The following ASH1L variants were observed in gnomAD, a reference collection of about 807,000 sequenced individuals.
ASH1L encodes the protein histone-lysine N-methyltransferase ASH1L.
Under a neutral mutation model 269.0 loss-of-function variants are expected in ASH1L, and 23 were observed. The ratio of observed to expected loss-of-function variants is 0.09; its 90% CI spans 0.06 to 0.12. The LOEUF is 0.12. ASH1L is among the 10% of genes least tolerant of loss of function. The probability of loss-of-function intolerance (pLI) is 1.00; values close to 1 mark genes in which losing one functional copy is unlikely to be tolerated. For synonymous variants in ASH1L, 1,187 were observed against 1,253.5 expected (o/e 0.95, Z 1.12); for missense variants, 2,912 against 3,567.8 (o/e 0.82, Z 4.68).
Position 155,481,232 on chromosome 1 carries a change from T to C in ASH1L, c.1638A>G (p.Pro546=), listed in dbSNP as rs1457417836. 2 of 1,613,980 alleles carry C rather than the reference T, an allele frequency of 1.2e-6. No individual in the cohort carries two copies. Among genetic ancestry groups the C allele is most frequent in the African/African-American group, 2.7e-5 (2 of 74,922 alleles). ...GASDVSTAKS[P]FSAVGESNLP... is the part of the protein sequence containing the mutation. The stretch of plus-strand genomic sequence containing the variant: ...GATTGCTTTCTCCTACTGCACTGAA[T>C]GGGGATTTAGCGGTAGATACATCAG... Residue 546 remains proline, a synonymous_variant, in exon 3 of 28, where the codon CCA becomes CCG. Transcript: ENST00000392403.
chr1:155,375,854 T>C (rs566825933), intron 10 of ASH1L, among the ~76,000 whole-genome samples: 3 of 150,820 alleles, frequency 2.0e-5, no homozygotes, highest in Non-Finnish European at 4.4e-5. Flanking sequence ...TAAACGTAGA[T>C]CTAGGTTGTC....
At chr1:155,547,502 T>A (rs915341991) in intron 1 of ASH1L, among the ~76,000 whole-genome samples, 1 of 151,862 alleles carries the variant, frequency 6.6e-6, no homozygotes, top group African/African-American at 2.4e-5. Flanking sequence ...GGCAGGCAGA[T>A]CACCTGAGGT....
At chr1:155,518,692 G>T (rs1668659697) in intron 2 of ASH1L, among the ~76,000 whole-genome samples, 1 of 149,770 alleles carries the variant, frequency 6.7e-6, no homozygotes, top group African/African-American at 2.5e-5. Context: ...GGGGGCGGTG[G>T]GGGGGCGGTG....
intron 12 of ASH1L, among the ~76,000 whole-genome samples, chr1:155,364,922 T>TAAAAA (rs60237031): frequency 9.3e-6 from 1 of 107,152 alleles, no homozygotes; most frequent in South Asian, 3.2e-4. Context: ...AGCTCTGTCT[T>TAAAAA]AAAAAAAAAA....
chr1:155,467,584 A>C (rs908919932), intron 3 of ASH1L, among the ~76,000 whole-genome samples: 6 of 152,164 alleles, frequency 3.9e-5, no homozygotes, highest in African/African-American at 1.4e-4. Context: ...TCAAAGTGAT[A>C]AGTCAGTTTG....
intron 1 of ASH1L, among the ~76,000 whole-genome samples, chr1:155,537,753 T>TAAA (rs201878978): frequency 0.022 from 3,366 of 151,908 alleles, 125 homozygotes; most frequent in African/African-American, 0.077. Context: ...TTTTTTTTTT[T>TAAA]AAAAAAAGCT....
intron 3 of ASH1L, among the ~76,000 whole-genome samples, chr1:155,466,792 T>C (rs1664733372): frequency 6.6e-6 from 1 of 152,186 alleles, no homozygotes; most frequent in Non-Finnish European, 1.5e-5. Flanking sequence ...CTACTGAACA[T>C]CTGAACTTAT....
intron 1 of ASH1L, among the ~76,000 whole-genome samples, chr1:155,522,254 T>G (rs1418155166): frequency 6.6e-6 from 1 of 152,216 alleles, no homozygotes; most frequent in African/African-American, 2.4e-5. Flanking sequence ...ATTATCTTTG[T>G]TGTTAGGATA....
intron 17 of ASH1L, among the ~76,000 whole-genome samples, chr1:155,350,417 A>G (rs900745668): frequency 1.3e-5 from 2 of 152,184 alleles, no homozygotes; most frequent in Admixed American, 6.5e-5. Flanking sequence ...ATTGTCTAGG[A>G]TATGAAAGAT....
intron 3 of ASH1L, among the ~76,000 whole-genome samples, chr1:155,461,406 T>C (rs933190227): frequency 6.6e-6 from 1 of 152,210 alleles, no homozygotes; most frequent in Non-Finnish European, 1.5e-5. Context: ...AGAAAATTGA[T>C]GTGATAGTAC....
rs777022720 is a variant in ASH1L at position 155,346,129 on chromosome 1, C to T, written c.7890+254G>A. 27 of 1,362,130 alleles carry T rather than the reference C, an allele frequency of 2.0e-5. No homozygotes were observed. The African/African-American group carries it at 2.0e-4, about 10-fold the overall frequency. The allele number at this position is 1,362,130 out of a possible 1,614,324, so 84.4% of individuals were successfully genotyped here. On this transcript the variant is annotated intron_variant, in intron 21 of 27. Coordinates refer to ENST00000392403, the MANE Select transcript of ASH1L (RefSeq NM_018489.3). ...GATTACAGGCATGAGCGACCGTGCC[C>T]GGCCAAAAACCTTAGTTTTATATAG... is the stretch of plus-strand genomic sequence containing the variant.
chr1:155,399,626 G>A (rs1459482279), intron 6 of ASH1L, among the ~76,000 whole-genome samples: 1 of 151,922 alleles, frequency 6.6e-6, no homozygotes, highest in Non-Finnish European at 1.5e-5. Context: ...GTGATAAAGT[G>A]AGGCTGTCCC....
At chr1:155,352,605 G>C (rs1460103974) in intron 17 of ASH1L, 101 bp downstream of exon 17, 22 of 1,253,614 alleles carry the variant, frequency 1.8e-5, no homozygotes, top group Non-Finnish European at 2.2e-5. Context: ...AGGAGTCTGA[G>C]ACTAGCCTGG....
rs760839012 is a variant in ASH1L at position 155,562,801 on chromosome 1, C to T, written c.-748G>A. The T allele has an allele frequency of 5.4e-6, 3 of 552,576 alleles. No homozygotes were observed. The highest frequency in any genetic ancestry group is 4.4e-5 in the East Asian group (1 of 22,556). 34.2% of individuals were successfully genotyped at this position (552,576 alleles called of 1,614,324 possible). A position where few individuals can be genotyped will look rare whatever the true frequency, so the allele number is the denominator to read the frequency against. On this transcript the variant is annotated 5_prime_UTR_variant, in exon 1 of 28. Coordinates refer to ENST00000392403, the MANE Select transcript of ASH1L (RefSeq NM_018489.3). ...TACCTTCAACGGCGCAAGCCCAAGCCTCCTCCTCCTCCTCCTCCACCTCCT... is the reference window on the plus strand; with the variant it reads ...TACCTTCAACGGCGCAAGCCCAAGCTTCCTCCTCCTCCTCCTCCACCTCCT...
intron 3 of ASH1L, among the ~76,000 whole-genome samples, chr1:155,472,973 A>G (rs1328643036): frequency 1.3e-5 from 2 of 152,254 alleles, no homozygotes; most frequent in South Asian, 2.1e-4. Flanking sequence ...TACTCTCATG[A>G]TTATACATAT....
intron 4 of ASH1L, among the ~76,000 whole-genome samples, chr1:155,455,247 C>T (rs1032863149): frequency 6.6e-6 from 1 of 152,122 alleles, no homozygotes; most frequent in South Asian, 2.1e-4. Flanking sequence ...TAGTTATCCT[C>T]ATATTACATC....
In ASH1L at chr1:155,479,520, C is replaced by T; in HGVS notation, c.3350G>A (p.Gly1117Asp). 6.2e-7 allele frequency: 1 copy of T among 1,614,148 alleles called. No homozygotes were observed. Among genetic ancestry groups the T allele is most frequent in the Non-Finnish European group, 8.5e-7 (1 of 1,180,014 alleles). Residue 1117 changes from glycine (G) to aspartate (D), a missense_variant, in exon 3 of 28, where the codon GGT becomes GAT. Physicochemically the swap from Gly to Asp is moderately conservative, Grantham distance 94 (BLOSUM62 -1). Around this residue, in one of 13 missense-constraint regions of ASH1L, gnomAD observed 157 missense variants for 154.6 expected, o/e 1.02. Transcript: ENST00000392403. ...ICSQSSGTSG[G>D]QSPVSSDAGF... Reference sequence around the variant, plus strand: ...TGCATCACTACTTACAGGGCTCTGACCTCCACTAGTCCCAGAAGACTGAGA... The same window carrying T: ...TGCATCACTACTTACAGGGCTCTGATCTCCACTAGTCCCAGAAGACTGAGA...
chr1:155,495,237 G>A (rs1368976816), intron 2 of ASH1L, among the ~76,000 whole-genome samples: 1 of 152,208 alleles, frequency 6.6e-6, no homozygotes, highest in Non-Finnish European at 1.5e-5. Context: ...TACGGTGTGT[G>A]TTACCTAACA....
intron 5 of ASH1L, among the ~76,000 whole-genome samples, chr1:155,418,732 A>G (rs1214050654): frequency 6.6e-6 from 1 of 152,202 alleles, no homozygotes; most frequent in Non-Finnish European, 1.5e-5. Flanking sequence ...AAGGTCCAGT[A>G]TATCGTAATA....
Sources: gnomAD v4.1 joint callset for allele counts (sites outside exome capture counted in the v4.1 genomes callset) on GRCh38, gnomAD v4.1.1 for gene constraint, gnomAD v4.1.1 regional missense constraint, MANE v1.5 for transcripts, NCBI Gene and HGNC (gene_info 2026-07-23, HGNC 2026-07-21) for gene names.